Variants in KDM7A observed in about 807,000 individuals in gnomAD.
KDM7A encodes lysine-specific demethylase 7A.
In KDM7A, 28 loss-of-function variants were observed where a neutral mutation model predicts 114.8. The observed-to-expected ratio is 0.24, with a 90% CI of 0.18 to 0.33. The LOEUF (loss-of-function observed/expected upper bound fraction) is 0.33, where lower values mean the gene tolerates loss of function less well. Among genes scored for constraint, KDM7A ranks in the 10% least tolerant of loss-of-function variants. The probability of loss-of-function intolerance (pLI) is 1.00; values close to 1 mark genes in which losing one functional copy is unlikely to be tolerated. For missense variants in KDM7A, 942 were observed against 1,142.5 expected (o/e 0.82, Z 2.53); for synonymous variants, 423 against 397.8 (o/e 1.06, Z -0.75).
At chr7:140,136,459 A>T (rs557537263) in intron 2 of KDM7A, among the ~76,000 whole-genome samples, 1 of 152,314 alleles carries the variant, frequency 6.6e-6, no homozygotes, top group African/African-American at 2.4e-5. Flanking sequence ...TCAGTGAAGG[A>T]ATATTTTAGT....
chr7:140,144,801 T>C (rs770725043), intron 1 of KDM7A, among the ~76,000 whole-genome samples: 1 of 151,974 alleles, frequency 6.6e-6, no homozygotes, highest in African/African-American at 2.4e-5. Context: ...GTTTGGGTCA[T>C]AGGGGCAGAT....
intron 1 of KDM7A, among the ~76,000 whole-genome samples, chr7:140,150,137 T>C (rs920278074): frequency 6.6e-6 from 1 of 152,184 alleles, no homozygotes; most frequent in Admixed American, 6.5e-5. Flanking sequence ...AGCCCAGAGA[T>C]GGAAAATGGG....
chr7:140,092,070 C>T lies in KDM7A; in HGVS notation c.2465G>A (p.Ser822Asn). 1 of 1,613,956 alleles carries T rather than the reference C, an allele frequency of 6.2e-7. No individual in the cohort carries two copies. The highest frequency in any genetic ancestry group is 1.1e-5 in the South Asian group (1 of 91,074). The change falls in exon 19 of 20, where the codon AGT becomes AAT. Residue 822 changes from serine to asparagine, a missense_variant. By Grantham distance (46) the Ser-to-Asn change is conservative (BLOSUM62 1). This residue lies in a region of KDM7A where 512 missense variants were observed against 576.6 expected (regional missense o/e 0.89). Coordinates refer to ENST00000397560, the MANE Select transcript of KDM7A (RefSeq NM_030647.2). ...DTSRFHPQDLSRSQKCIRKEG... is the reference protein window; with the variant it reads ...DTSRFHPQDLNRSQKCIRKEG... ...CTTTCTGATGCATTTCTGGCTTCTA[C>T]TTAGATCCTGAAGGAGGAGGAAGGA...
In KDM7A at chr7:140,124,643, T is replaced by A; in HGVS notation, c.1029A>T (p.Gly343=). Reference sequence around the variant, plus strand: ...TACCTGTAGGAACAAATAAGGTATGTCCCTGCTTTACCACACATTTGTAGC... The same window carrying A: ...TACCTGTAGGAACAAATAAGGTATGACCCTGCTTTACCACACATTTGTAGC... ...DKCYKCVVKQ[G]HTLFVPTGWI... The change falls in exon 7 of 20, where the codon GGA becomes GGT. Residue 343 remains glycine (G), a synonymous_variant. Transcript: ENST00000397560. The A allele has an allele frequency of 6.2e-7, 1 of 1,612,830 alleles. No homozygotes were observed. Among genetic ancestry groups the A allele is most frequent in the South Asian group, 1.1e-5 (1 of 90,716 alleles).
chr7:140,145,141 T>G (rs1206465745), intron 1 of KDM7A, among the ~76,000 whole-genome samples: 1 of 152,188 alleles, frequency 6.6e-6, no homozygotes, highest in Non-Finnish European at 1.5e-5. Flanking sequence ...ACCATTCCTA[T>G]GTATTTATGT....
At chr7:140,133,126 T>A (rs894007871) in intron 3 of KDM7A, among the ~76,000 whole-genome samples, 3 of 152,138 alleles carry the variant, frequency 2.0e-5, no homozygotes, top group African/African-American at 7.2e-5. Context: ...CAGAGATGCA[T>A]ATAAAAGCAA....
intron 1 of KDM7A, among the ~76,000 whole-genome samples, chr7:140,147,901 C>A (rs1585160981): frequency 6.6e-6 from 1 of 152,156 alleles, no homozygotes; most frequent in East Asian, 1.9e-4. Context: ...TGACTTGGAG[C>A]AGGTTTCTCA....
intron 2 of KDM7A, 35 bp from the exon 3 acceptor site, chr7:140,133,691 G>A: frequency 8.7e-7 from 1 of 1,149,064 alleles, no homozygotes; most frequent in Non-Finnish European, 1.3e-6. Context: ...AAATGATTTT[G>A]GTAACTGGTG....
chr7:140,150,322 T>C (rs1794385037), intron 1 of KDM7A, among the ~76,000 whole-genome samples: 1 of 152,220 alleles, frequency 6.6e-6, no homozygotes, highest in Non-Finnish European at 1.5e-5. Context: ...GTCCAGTTCC[T>C]CATGAAATGC....
rs368509043 is a variant in KDM7A, at chr7:140,091,207, G to A, written c.2732-19C>T. The stretch of plus-strand genomic sequence containing the variant: ...CGTTTACCTATAAAACACCAAAAGG[G>A]AGTGTAAGTAATGATGAAAAGTACA... On this transcript the variant is annotated intron_variant, in intron 19 of 19. Transcript: ENST00000397560. The A allele has an allele frequency of 1.3e-6, 2 of 1,532,766 alleles. No individual in the cohort carries two copies. The highest frequency in any genetic ancestry group is 2.7e-5 in the African/African-American group (2 of 73,428). 94.9% of individuals were successfully genotyped at this position (1,532,766 alleles called of 1,614,324 possible). A position where few individuals can be genotyped will look rare whatever the true frequency, so the allele number is the denominator to read the frequency against.
At chr7:140,137,557 A>AT (rs1818891873) in intron 2 of KDM7A, among the ~76,000 whole-genome samples, 1 of 152,240 alleles carries the variant, frequency 6.6e-6, no homozygotes. Context: ...TATATATCAT[A>AT]TACTCAGTGC....
chr7:140,142,434 C>A (rs566627514), intron 1 of KDM7A, among the ~76,000 whole-genome samples: 10 of 149,682 alleles, frequency 6.7e-5, no homozygotes, highest in African/African-American at 2.2e-4. Flanking sequence ...AAAAAAAAAA[C>A]CAATAGAAAA....
At chr7:140,134,452 G>A (rs1049089768) in intron 2 of KDM7A, among the ~76,000 whole-genome samples, 5 of 152,106 alleles carry the variant, frequency 3.3e-5, no homozygotes, top group African/African-American at 1.2e-4. Flanking sequence ...AAGGGGAGAT[G>A]GGGAAAAAGC....
At position 140,138,325 on chromosome 7, in the gene KDM7A, T is replaced by A. The variant is rs532741061; in HGVS notation, c.280+780A>T. Reference sequence around the variant, plus strand: ...CCTGTCTCAAATAAAAAAAAAAAAATTTATAACATAATCCAAGCCTTTTTC... The same window carrying A: ...CCTGTCTCAAATAAAAAAAAAAAAAATTATAACATAATCCAAGCCTTTTTC... On this transcript the variant is annotated intron_variant, in intron 2 of 19. Transcript: ENST00000397560. Among the ~76,000 whole-genome samples, 1,016 of 151,316 alleles carry A rather than the reference T, an allele frequency of 6.7e-3. 5 individuals are homozygous for A. Among genetic ancestry groups the A allele is most frequent in the African/African-American group, 0.023 (966 of 41,192 alleles).
At chr7:140,171,673 C>A (rs1255878396) in intron 1 of KDM7A, among the ~76,000 whole-genome samples, 6 of 148,692 alleles carry the variant, frequency 4.0e-5, no homozygotes, top group African/African-American at 1.5e-4. Context: ...TGTCCTGAAT[C>A]TCAGAAACTC....
intron 17 of KDM7A, among the ~76,000 whole-genome samples, chr7:140,095,925 G>T (rs997296223): frequency 6.6e-6 from 1 of 152,074 alleles, no homozygotes; most frequent in African/African-American, 2.4e-5. Flanking sequence ...CAGTGAAATG[G>T]ATGTCAAGCT....
chr7:140,119,437 C>T (rs1818583446), intron 8 of KDM7A, among the ~76,000 whole-genome samples: 1 of 152,186 alleles, frequency 6.6e-6, no homozygotes, highest in African/African-American at 2.4e-5. Context: ...TTGTATTGGA[C>T]TTCACAGAAG....
intron 2 of KDM7A, among the ~76,000 whole-genome samples, chr7:140,135,559 TTATA>T (rs1562955292): frequency 6.6e-6 from 1 of 152,224 alleles, no homozygotes; most frequent in African/African-American, 2.4e-5. Context: ...ATCTTTCTTA[TTATA>T]TAATGAGCAT....
In KDM7A at chr7:140,124,570, C is replaced by T. The variant is rs1818668842; in HGVS notation, c.1051+51G>A. ...GCCAGAGGTTCTAGTTAAAAGCCAA[C>T]TCCATGTGACTATCAATCATGTTGA... On this transcript the variant is annotated intron_variant, in intron 7 of 19. Coordinates refer to ENST00000397560, the MANE Select transcript of KDM7A (RefSeq NM_030647.2). The T allele has an allele frequency of 4.2e-6, 6 of 1,413,164 alleles. No individual in the cohort carries two copies. The East Asian group carries it at 1.2e-4, about 29-fold the overall frequency. 87.5% of individuals were successfully genotyped at this position (1,413,164 alleles called of 1,614,324 possible).
Sources: gnomAD v4.1 joint callset for allele counts (sites outside exome capture counted in the v4.1 genomes callset) on GRCh38, gnomAD v4.1.1 for gene constraint, gnomAD v4.1.1 regional missense constraint, MANE v1.5 for transcripts, NCBI Gene and HGNC (gene_info 2026-07-23, HGNC 2026-07-21) for gene names.